The following LHFPL3 variants were observed in gnomAD, a reference collection of about 807,000 sequenced individuals.
The protein encoded by LHFPL3 is LHFPL tetraspan subfamily member 3.
LHFPL3 carries 5 observed loss-of-function variants against 19.3 expected under a neutral mutation model. That is an observed-to-expected ratio of 0.26 (90% CI 0.14 to 0.54). The LOEUF (loss-of-function observed/expected upper bound fraction) is 0.54. Among genes scored for constraint, LHFPL3 ranks in the 20% least tolerant of loss-of-function variants. The pLI is 0.94. For synonymous variants in LHFPL3, 133 were observed against 126.2 expected, an observed-to-expected ratio of 1.05 and a Z score of -0.36; for missense variants, 249 against 307.4, an observed-to-expected ratio of 0.81 and a Z score of 1.42.
At chr7:104,666,512 CTTTTTTTTTTTTTTT>C (rs71155514) in intron 1 of LHFPL3, among the ~76,000 whole-genome samples, 12 of 42,214 alleles carry the variant, frequency 2.8e-4, no homozygotes, top group African/African-American at 7.1e-4. Flanking sequence ...GGATTTCATT[CTTTTTTTTTTTTTTT>C]TTTTTTTTTT....
intron 1 of LHFPL3, among the ~76,000 whole-genome samples, chr7:104,483,933 T>C (rs1293112080): frequency 1.3e-5 from 2 of 152,192 alleles, no homozygotes; most frequent in East Asian, 3.8e-4. Context: ...AGCCAACATG[T>C]AGTCATTTTA....
chr7:104,728,896 G>C (rs1163425745), intron 1 of LHFPL3, among the ~76,000 whole-genome samples: 2 of 152,166 alleles, frequency 1.3e-5, no homozygotes, highest in African/African-American at 4.8e-5. Context: ...ATTAGTGAAT[G>C]AATGGATGAG....
chr7:104,422,864 G>C (rs1791760430), intron 1 of LHFPL3, among the ~76,000 whole-genome samples: 1 of 152,196 alleles, frequency 6.6e-6, no homozygotes, highest in South Asian at 2.1e-4. Flanking sequence ...GAATAAGATG[G>C]AATTAGCACC....
chr7:104,360,371 G>A (rs940481146), intron 1 of LHFPL3, among the ~76,000 whole-genome samples: 9 of 152,166 alleles, frequency 5.9e-5, no homozygotes, highest in South Asian at 2.1e-4. Context: ...ATACTTTATC[G>A]TACCTGGCAC....
At chr7:104,701,999 C>T (rs1307164112) in intron 1 of LHFPL3, among the ~76,000 whole-genome samples, 1 of 152,134 alleles carries the variant, frequency 6.6e-6, no homozygotes, top group East Asian at 1.9e-4. Context: ...ATGCTATTGG[C>T]ATTTCTCCTA....
intron 2 of LHFPL3, among the ~76,000 whole-genome samples, chr7:104,830,236 T>C (rs1260419717): frequency 6.6e-6 from 1 of 151,986 alleles, no homozygotes; most frequent in Non-Finnish European, 1.5e-5. Context: ...TATTAGCCCT[T>C]TGTCAGATGG....
In LHFPL3 at chr7:104,518,797, TGATAGATAGATAGATA is replaced by T. The variant is rs56373754; in HGVS notation, c.445+189608_445+189623del. ...AGACTCCATCTCAAAAATAAATAGA[TGATAGATAGATAGATA>T]GATAGATAGATAGATAGATAGATAG... On this transcript the variant is annotated intron_variant, in intron 1 of 2. Coordinates refer to ENST00000424859, the MANE Select transcript of LHFPL3 (RefSeq NM_199000.3). Among the ~76,000 whole-genome samples, 753 of 138,638 alleles carry T rather than the reference TGATAGATAGATAGATA, an allele frequency of 5.4e-3. 7 individuals carry two copies. Among genetic ancestry groups the T allele is most frequent in the African/African-American group, 0.02 (660 of 32,790 alleles). 91.0% of individuals were successfully genotyped at this position (138,638 alleles called of 152,430 possible).
intron 1 of LHFPL3, among the ~76,000 whole-genome samples, chr7:104,621,720 G>A (rs1055103073): frequency 1.3e-5 from 2 of 152,190 alleles, no homozygotes; most frequent in African/African-American, 4.8e-5. Flanking sequence ...GGAGTTGGCA[G>A]CAGGCATGCT....
chr7:104,550,893 C>T (rs959645484), intron 1 of LHFPL3, among the ~76,000 whole-genome samples: 1 of 152,078 alleles, frequency 6.6e-6, no homozygotes, highest in Non-Finnish European at 1.5e-5. Context: ...TTCAGCCACA[C>T]ACTTCATAAA....
At chr7:104,636,554 C>G (rs991902576) in intron 1 of LHFPL3, among the ~76,000 whole-genome samples, 9 of 152,024 alleles carry the variant, frequency 5.9e-5, no homozygotes, top group African/African-American at 2.2e-4. Context: ...CAAGTAGGCC[C>G]CAGTGTCTGC....
chr7:104,618,114 A>G (rs558927453), intron 1 of LHFPL3, among the ~76,000 whole-genome samples: 89 of 152,324 alleles, frequency 5.8e-4, no homozygotes, highest in Middle Eastern at 3.4e-3. Flanking sequence ...TTATGTGTCA[A>G]TGCAACACAA....
intron 1 of LHFPL3, among the ~76,000 whole-genome samples, chr7:104,562,867 A>C (rs1252763470): frequency 1.3e-5 from 2 of 151,160 alleles, no homozygotes; most frequent in African/African-American, 2.4e-5. Flanking sequence ...TTTGGTGTGG[A>C]TGTCCTTTCT....
At chr7:104,567,273 C>T (rs923427975) in intron 1 of LHFPL3, among the ~76,000 whole-genome samples, 5 of 152,150 alleles carry the variant, frequency 3.3e-5, no homozygotes, top group African/African-American at 1.2e-4. Flanking sequence ...AACACATGTG[C>T]CATGGGGCAG....
chr7:104,593,422 G>C (rs937668420), intron 1 of LHFPL3, among the ~76,000 whole-genome samples: 10 of 152,124 alleles, frequency 6.6e-5, no homozygotes, highest in African/African-American at 2.2e-4. Flanking sequence ...TATAATTTCT[G>C]TTCTTTTACA....
At chr7:104,818,180 G>A (rs1790601310) in intron 2 of LHFPL3, among the ~76,000 whole-genome samples, 1 of 152,144 alleles carries the variant, frequency 6.6e-6, no homozygotes, top group Non-Finnish European at 1.5e-5. Context: ...AAATGCTTCA[G>A]AGAAATATGG....
chr7:104,448,203 T>C (rs535165459), intron 1 of LHFPL3, among the ~76,000 whole-genome samples: 1 of 152,308 alleles, frequency 6.6e-6, no homozygotes, highest in South Asian at 2.1e-4. Context: ...CATTTTTGTC[T>C]TCACCTAAGG....
chr7:104,359,395 C>A (rs998773451), intron 1 of LHFPL3, among the ~76,000 whole-genome samples: 1 of 152,078 alleles, frequency 6.6e-6, no homozygotes. Flanking sequence ...ATCATAGATG[C>A]GATTGTTAGC....
At chr7:104,819,765 G>T (rs1790642518) in intron 2 of LHFPL3, among the ~76,000 whole-genome samples, 1 of 152,132 alleles carries the variant, frequency 6.6e-6, no homozygotes, top group East Asian at 1.9e-4. Flanking sequence ...TACTTTAACA[G>T]GGATTCCACA....
At chr7:104,769,616 C>T (rs1203637850) in intron 2 of LHFPL3, among the ~76,000 whole-genome samples, 1 of 148,566 alleles carries the variant, frequency 6.7e-6, no homozygotes, top group African/African-American at 2.5e-5. Flanking sequence ...TTAGCCCCCC[C>T]AACCCCCGAC....
Sources: allele counts gnomAD v4.1 joint callset (sites outside exome capture counted in the v4.1 genomes callset), GRCh38; gene constraint gnomAD v4.1.1; transcripts MANE v1.5; gene names NCBI Gene and HGNC (gene_info 2026-07-23, HGNC 2026-07-21).